The following AUTS2 variants were observed in gnomAD, a reference collection of about 807,000 sequenced individuals.
AUTS2 encodes the protein activator of transcription and developmental regulator AUTS2.
AUTS2 carries 17 observed loss-of-function variants against 112.4 expected under a neutral mutation model. The observed-to-expected ratio is 0.15, with a 90% CI of 0.10 to 0.23. AUTS2 has a LOEUF of 0.23. AUTS2 is among the 10% of genes least tolerant of loss of function. AUTS2 has a pLI of 1.00. For synonymous variants in AUTS2, 751 were observed against 702.7 expected (o/e 1.07, Z -1.09); for missense variants, 1,510 against 1,701.6 (o/e 0.89, Z 1.98).
At chr7:69,732,894 A>G (rs1304761026) in intron 1 of AUTS2, among the ~76,000 whole-genome samples, 1 of 152,130 alleles carries the variant, frequency 6.6e-6, no homozygotes, top group Admixed American at 6.5e-5. Flanking sequence ...GGAAGAGGGT[A>G]TTGTTTCTCA....
intron 4 of AUTS2, among the ~76,000 whole-genome samples, chr7:70,348,239 A>G (rs10258298): frequency 0.29 from 44,141 of 152,108 alleles, 6,723 homozygotes; most frequent in African/African-American, 0.38. Flanking sequence ...GGCCCCAAAA[A>G]TTAAAAATAA....
chr7:69,624,316 A>G (rs1235818679), intron 1 of AUTS2, among the ~76,000 whole-genome samples: 1 of 152,200 alleles, frequency 6.6e-6, no homozygotes, highest in Non-Finnish European at 1.5e-5. Context: ...TTTATCTGGT[A>G]CATGATAAAA....
intron 2 of AUTS2, among the ~76,000 whole-genome samples, chr7:70,062,512 CAA>C (rs35625069): frequency 1.6e-4 from 20 of 121,728 alleles, no homozygotes; most frequent in Admixed American, 1.7e-4. Flanking sequence ...GACTCCGTCT[CAA>C]AAAAAAAAAA....
intron 5 of AUTS2, among the ~76,000 whole-genome samples, chr7:70,634,861 A>G (rs546764442): frequency 5.6e-4 from 86 of 152,350 alleles, no homozygotes; most frequent in Non-Finnish European, 1.0e-3. Context: ...CATTGCGGAA[A>G]CTGTTAGCTC....
Position 69,856,061 on chromosome 7 carries a change from C to G in AUTS2, c.310-43225C>G, listed in dbSNP as rs566494676. Among the ~76,000 whole-genome samples, 4 of 152,302 alleles carry G rather than the reference C, an allele frequency of 2.6e-5. No homozygotes were observed. In the East Asian group the frequency reaches 5.8e-4, roughly 22 times the overall value. On this transcript the variant is annotated intron_variant, in intron 1 of 18. Coordinates refer to ENST00000342771, the MANE Select transcript of AUTS2 (RefSeq NM_015570.4). ...AATCAAGTTTCTCTGTGTTTCCTGACTAAATATTGCAGGTTGTTTGTGCCA... is the reference window on the plus strand; with the variant it reads ...AATCAAGTTTCTCTGTGTTTCCTGAGTAAATATTGCAGGTTGTTTGTGCCA...
intron 14 of AUTS2, among the ~76,000 whole-genome samples, chr7:70,778,290 G>A (rs1790837921): frequency 6.6e-6 from 1 of 152,100 alleles, no homozygotes; most frequent in Non-Finnish European, 1.5e-5. Flanking sequence ...GAGCAAACAA[G>A]CAATCAAGTA....
chr7:70,561,120 A>T (rs200152892), intron 5 of AUTS2, among the ~76,000 whole-genome samples: 2 of 152,026 alleles, frequency 1.3e-5, no homozygotes, highest in East Asian at 3.9e-4. Flanking sequence ...TCATCTAATA[A>T]TTTTCCTTTA....
chr7:70,615,848 C>T (rs367604217), intron 5 of AUTS2, among the ~76,000 whole-genome samples: 12 of 152,032 alleles, frequency 7.9e-5, no homozygotes, highest in African/African-American at 2.4e-4. Flanking sequence ...CAGAATCAAG[C>T]GATTCTCCAC....
intron 2 of AUTS2, among the ~76,000 whole-genome samples, chr7:69,997,399 A>G (rs1798995752): frequency 6.6e-6 from 1 of 152,198 alleles, no homozygotes; most frequent in Admixed American, 6.5e-5. Flanking sequence ...CCATCTCAAT[A>G]TGCCTTGGAA....
chr7:70,459,689 C>CT (rs1796884444), intron 5 of AUTS2, among the ~76,000 whole-genome samples: 1 of 152,204 alleles, frequency 6.6e-6, no homozygotes, highest in Non-Finnish European at 1.5e-5. Flanking sequence ...ACCTGTAAAA[C>CT]TGAAGTAATG....
chr7:70,140,381 T>C (rs1441631579), intron 4 of AUTS2, among the ~76,000 whole-genome samples: 1 of 152,244 alleles, frequency 6.6e-6, no homozygotes, highest in Non-Finnish European at 1.5e-5. Context: ...TTGGTTATCC[T>C]GAGGTACAGT....
chr7:70,466,297 T>C (rs948596892), intron 5 of AUTS2, among the ~76,000 whole-genome samples: 2 of 152,188 alleles, frequency 1.3e-5, no homozygotes, highest in Non-Finnish European at 1.5e-5. Context: ...TATGAAATAA[T>C]AATTATGTAG....
chr7:70,331,398 C>T (rs1021027911), intron 4 of AUTS2, among the ~76,000 whole-genome samples: 1 of 152,002 alleles, frequency 6.6e-6, no homozygotes, highest in South Asian at 2.1e-4. Flanking sequence ...GTGATATCCC[C>T]TTTATCATTT....
intron 1 of AUTS2, among the ~76,000 whole-genome samples, chr7:69,749,406 T>C (rs1787643525): frequency 6.6e-6 from 1 of 152,222 alleles, no homozygotes; most frequent in Non-Finnish European, 1.5e-5. Context: ...TTATCATTAC[T>C]TTATTCCCTC....
intron 5 of AUTS2, among the ~76,000 whole-genome samples, chr7:70,507,853 A>T (rs1799027327): frequency 6.6e-6 from 1 of 152,140 alleles, no homozygotes; most frequent in Admixed American, 6.5e-5. Flanking sequence ...CCAAAATAAG[A>T]TGGGGCACCT....
chr7:70,022,128 C>T (rs1025817285), intron 2 of AUTS2, among the ~76,000 whole-genome samples: 3 of 149,284 alleles, frequency 2.0e-5, no homozygotes, highest in African/African-American at 7.5e-5. Context: ...GACATATTTT[C>T]CAGTCTGTCA....
intron 4 of AUTS2, among the ~76,000 whole-genome samples, chr7:70,185,257 C>CTTTTTTTTTTTTTTTTTTTTTTTTTTTT (rs35215443): frequency 4.6e-5 from 4 of 87,118 alleles, no homozygotes; most frequent in African/African-American, 1.4e-4. Flanking sequence ...TGACATTAAA[C>CTTTTTTTTTTTTTTTTTTTTTTTTTTTT]TTTTTTTTTT....
chr7:70,020,158 A>G (rs1430592791), intron 2 of AUTS2, among the ~76,000 whole-genome samples: 3 of 152,226 alleles, frequency 2.0e-5, no homozygotes, highest in Non-Finnish European at 4.4e-5. Context: ...TGTAGACAGG[A>G]CATTTGCCTG....
chr7:69,903,384 G>A (rs1355601565), intron 2 of AUTS2, among the ~76,000 whole-genome samples: 1 of 152,116 alleles, frequency 6.6e-6, no homozygotes, highest in Admixed American at 6.6e-5. Flanking sequence ...AAAAAATTTA[G>A]GACTTTGTAG....
Sources: allele counts gnomAD v4.1 joint callset (sites outside exome capture counted in the v4.1 genomes callset), GRCh38; gene constraint gnomAD v4.1.1; transcripts MANE v1.5; gene names NCBI Gene and HGNC (gene_info 2026-07-23, HGNC 2026-07-21).